LNPK: variants seen among roughly 807,000 people sequenced by gnomAD.
LNPK encodes lunapark, ER junction formation factor.
LNPK carries 29 observed loss-of-function variants against 55.2 expected under a neutral mutation model. The ratio of observed to expected loss-of-function variants is 0.53; its 90% confidence interval spans 0.39 to 0.72. The LOEUF is 0.72. Among genes scored for constraint, LNPK ranks in the 30% least tolerant of loss-of-function variants. The probability of loss-of-function intolerance (pLI) is 0.00; values close to 1 mark genes in which losing one functional copy is unlikely to be tolerated. For missense variants in LNPK, 467 were observed against 494.8 expected (o/e 0.94, Z 0.53); for synonymous variants, 162 against 168.2 (o/e 0.96, Z 0.29).
chr2:175,926,393 C>T lies in LNPK; in HGVS notation c.*3574G>A, dbSNP rs1005386848. 6.6e-6 allele frequency: 1 copy of T among 152,242 alleles called. No homozygotes were observed. The highest frequency in any genetic ancestry group is 6.5e-5 in the Admixed American group (1 of 15,284). 9.4% of individuals were successfully genotyped at this position (152,242 alleles called of 1,614,324 possible). A position where few individuals can be genotyped will look rare whatever the true frequency, so the allele number is the denominator to read the frequency against. Reference sequence around the variant, plus strand: ...CTCACTCTTGCCCTCTCTTACCCTTCTGCCTTCTGGCATGGGATGACAAAG... The same window carrying T: ...CTCACTCTTGCCCTCTCTTACCCTTTTGCCTTCTGGCATGGGATGACAAAG... On this transcript the variant is annotated 3_prime_UTR_variant, in exon 13 of 13. Transcript: ENST00000272748.
At chr2:175,974,342 T>C (rs1234621916) in intron 5 of LNPK, among the ~76,000 whole-genome samples, 1 of 152,160 alleles carries the variant, frequency 6.6e-6, no homozygotes, top group Non-Finnish European at 1.5e-5. Flanking sequence ...AAAATACACA[T>C]GGCACTTAAA....
Position 175,992,273 on chromosome 2 carries a change from G to C in LNPK, c.215C>G (p.Ala72Gly), listed in dbSNP as rs767246204. 4 of 1,565,712 alleles carry C rather than the reference G, an allele frequency of 2.6e-6. No homozygotes were observed. The highest frequency in any genetic ancestry group is 1.2e-5 in the South Asian group (1 of 81,328). ...YLWYLPDEFT[A>G]RLAMTLPFFA... ...AAATGGGAGTGTCATGGCAAGTCTT[G>C]CTGTAAATTCATCAGGAAGATACCA... Residue 72 changes from alanine to glycine, a missense_variant, in exon 4 of 13, where the codon GCA becomes GGA. Coordinates refer to ENST00000272748, the MANE Select transcript of LNPK (RefSeq NM_030650.3).
chr2:175,995,428 G>A (rs1553510023), intron 2 of LNPK, 130 bp downstream of exon 2: 1 of 582,038 alleles, frequency 1.7e-6, no homozygotes, highest in Admixed American at 3.5e-5. Flanking sequence ...TAATTCAAAA[G>A]AGAAGAAAAA....
chr2:175,927,947 TACTC>T lies in LNPK; in HGVS notation c.*2016_*2019del, dbSNP rs1323866417. Reference sequence around the variant, plus strand: ...TTGAGTCTATCAAATTTCTCTGAGGTACTCACTCATTTTCAAGCAATGTATATCA... The same window carrying T: ...TTGAGTCTATCAAATTTCTCTGAGGTACTCATTTTCAAGCAATGTATATCA... On this transcript the variant is annotated 3_prime_UTR_variant, in exon 13 of 13. Coordinates refer to ENST00000272748, the MANE Select transcript of LNPK (RefSeq NM_030650.3). 2 of 152,140 alleles carry T rather than the reference TACTC, an allele frequency of 1.3e-5. No individual in the cohort carries two copies. Among genetic ancestry groups the T allele is most frequent in the Non-Finnish European group, 2.9e-5 (2 of 68,022 alleles). The allele number at this position is 152,140 out of a possible 1,614,324, so 9.4% of individuals were successfully genotyped here. A position where few individuals can be genotyped will look rare whatever the true frequency, so the allele number is the denominator to read the frequency against.
chr2:175,954,300 C>A (rs546476584), intron 8 of LNPK, among the ~76,000 whole-genome samples: 1 of 152,244 alleles, frequency 6.6e-6, no homozygotes, highest in East Asian at 1.9e-4. Flanking sequence ...TGTTAAATTT[C>A]CAACTGCCTG....
intron 8 of LNPK, among the ~76,000 whole-genome samples, chr2:175,954,766 A>C (rs1337839170): frequency 6.6e-6 from 1 of 152,240 alleles, no homozygotes; most frequent in Non-Finnish European, 1.5e-5. Flanking sequence ...AAAATACAGC[A>C]ATGCCAAAAT....
At chr2:175,997,721 G>GTGTGTGTC (rs1459272878) in intron 1 of LNPK, among the ~76,000 whole-genome samples, 2 of 148,008 alleles carry the variant, frequency 1.4e-5, no homozygotes, top group Non-Finnish European at 3.0e-5. Context: ...GTGTGTGTGT[G>GTGTGTGTC]TGTGTGTGTG....
intron 1 of LNPK, among the ~76,000 whole-genome samples, chr2:176,001,850 C>G (rs1290419727): frequency 6.6e-6 from 1 of 152,186 alleles, no homozygotes; most frequent in Admixed American, 6.5e-5. Context: ...AAGCCAGTCA[C>G]CACCCGGAAT....
intron 1 of LNPK, among the ~76,000 whole-genome samples, chr2:175,999,358 C>T (rs1222551103): frequency 1.3e-5 from 2 of 152,276 alleles, no homozygotes; most frequent in African/African-American, 2.4e-5. Flanking sequence ...AGTTACTTAA[C>T]CTATCTGCTA....
chr2:175,951,607 A>ATATATATATATCTATATAGATATATATC (rs972901665), intron 8 of LNPK, among the ~76,000 whole-genome samples: 2 of 121,722 alleles, frequency 1.6e-5, no homozygotes, highest in African/African-American at 5.7e-5. Context: ...ATATATATAT[A>ATATATATATATCTATATAGATATATATC]TATCTCAGTT....
rs1286431507 is a variant in LNPK at position 175,930,309 on chromosome 2, C to T, written c.1055-110G>A. ...ACACACACACACACACACACACACA[C>T]ACACACACAAAGAAACCATACAATT... On this transcript the variant is annotated intron_variant, in intron 12 of 12. Coordinates refer to ENST00000272748, the MANE Select transcript of LNPK (RefSeq NM_030650.3). 1.7e-5 allele frequency: 7 copies of T among 416,208 alleles called. No individual in the cohort carries two copies. In the African/African-American group the frequency reaches 1.7e-4, roughly 10 times the overall value. 25.8% of individuals were successfully genotyped at this position (416,208 alleles called of 1,614,324 possible).
intron 12 of LNPK, among the ~76,000 whole-genome samples, chr2:175,936,435 T>C (rs1458867076): frequency 6.6e-6 from 1 of 152,184 alleles, no homozygotes; most frequent in Non-Finnish European, 1.5e-5. Context: ...AAATATCAAA[T>C]ACATGTAAAC....
At chr2:175,969,050 A>G (rs1393916978) in intron 6 of LNPK, among the ~76,000 whole-genome samples, 1 of 152,106 alleles carries the variant, frequency 6.6e-6, no homozygotes, top group African/African-American at 2.4e-5. Context: ...CAAAGTGTAA[A>G]ACTACTCAAA....
rs575834649 is a variant in LNPK, at chr2:175,927,444, G to A, written c.*2523C>T. ...GACATGATAGGGAGTAAAAGGCAGA[G>A]GCCAGCTTCAGATGGGGAGTTTGGG... On this transcript the variant is annotated 3_prime_UTR_variant, in exon 13 of 13. Transcript: ENST00000272748. 1 of 152,248 alleles carries A rather than the reference G, an allele frequency of 6.6e-6. No homozygotes were observed. Among genetic ancestry groups the A allele is most frequent in the Non-Finnish European group, 1.5e-5 (1 of 68,078 alleles). The allele number at this position is 152,248 out of a possible 1,614,324, so 9.4% of individuals were successfully genotyped here.
At chr2:175,932,438 A>G (rs770282165) in intron 12 of LNPK, among the ~76,000 whole-genome samples, 1 of 152,196 alleles carries the variant, frequency 6.6e-6, no homozygotes, top group Non-Finnish European at 1.5e-5. Context: ...TATGTGGAAG[A>G]CTACAAAATT....
At chr2:175,967,808 G>A (rs1686445025) in intron 6 of LNPK, 1 of 947,618 alleles carries the variant, frequency 1.1e-6, no homozygotes, top group East Asian at 1.2e-4. Context: ...GTAGCCTAAG[G>A]TGAATATTCA....
chr2:175,970,322 C>T (rs1686597463), intron 6 of LNPK, among the ~76,000 whole-genome samples: 1 of 152,128 alleles, frequency 6.6e-6, no homozygotes, highest in African/African-American at 2.4e-5. Flanking sequence ...CTCTCTCTCT[C>T]TCCCATCTCT....
chr2:175,948,496 T>C (rs1306046399), intron 8 of LNPK, among the ~76,000 whole-genome samples: 4 of 152,226 alleles, frequency 2.6e-5, no homozygotes, highest in African/African-American at 4.8e-5. Flanking sequence ...ATTTACTATC[T>C]GGCTCTTTAC....
intron 8 of LNPK, among the ~76,000 whole-genome samples, chr2:175,956,005 C>T (rs1056567384): frequency 2.6e-5 from 4 of 151,998 alleles, no homozygotes; most frequent in African/African-American, 7.2e-5. Flanking sequence ...TTAGGCTGGG[C>T]GTGGTGATTA....
Sources: gnomAD v4.1 joint callset for allele counts (sites outside exome capture counted in the v4.1 genomes callset) on GRCh38, gnomAD v4.1.1 for gene constraint, MANE v1.5 for transcripts, NCBI Gene and HGNC (gene_info 2026-07-23, HGNC 2026-07-21) for gene names.